The following MYT1 variants were observed in gnomAD, a reference collection of about 807,000 sequenced individuals.
MYT1 encodes myelin transcription factor 1, also known as myelin transcription factor I.
A neutral mutation model predicts 123.0 loss-of-function variants in MYT1; 23 were observed. That is an observed-to-expected ratio of 0.19 (90% CI 0.13 to 0.26). MYT1 has a LOEUF of 0.26. Among genes scored for constraint, MYT1 ranks in the 10% least tolerant of loss-of-function variants. The pLI, the probability that MYT1 is intolerant of heterozygous loss-of-function variation, is 1.00. For synonymous variants in MYT1, 518 were observed against 575.3 expected, an observed-to-expected ratio of 0.90 and a Z score of 1.43; for missense variants, 1,125 against 1,472.5, an observed-to-expected ratio of 0.76 and a Z score of 3.86.
At position 64,213,464 on chromosome 20, in the gene MYT1, CACACAG is replaced by C; in HGVS notation, c.1518-65_1518-60del. The C allele has an allele frequency of 7.9e-7, 1 of 1,262,288 alleles. No homozygotes were observed. The highest frequency in any genetic ancestry group is 1.1e-6 in the Non-Finnish European group (1 of 871,026). The allele number at this position is 1,262,288 out of a possible 1,614,324, so 78.2% of individuals were successfully genotyped here. On this transcript the variant is annotated intron_variant, in intron 9 of 22. Coordinates refer to ENST00000328439, the MANE Select transcript of MYT1 (RefSeq NM_004535.3). The surrounding 1 kb of genome is among the most constrained non-coding windows in gnomAD (Gnocchi z 5.6). Reference sequence around the variant, plus strand: ...ATGACCTTGCCGTGAGACACCCACACACACAGACACCCAGGACAGGACAGGCATGGA... The same window carrying C: ...ATGACCTTGCCGTGAGACACCCACACACACCCAGGACAGGACAGGCATGGA...
intron 21 of MYT1, among the ~76,000 whole-genome samples, chr20:64,238,846 A>G (rs1984630607): frequency 6.6e-6 from 1 of 152,192 alleles, no homozygotes; most frequent in Non-Finnish European, 1.5e-5. Context: ...CTTTGGAAGG[A>G]CTCAGAAACC....
intron 16 of MYT1, among the ~76,000 whole-genome samples, chr20:64,225,447 G>A (rs995069284): frequency 1.3e-5 from 2 of 152,204 alleles, no homozygotes; most frequent in African/African-American, 4.8e-5. Context: ...TGTGGTCAAG[G>A]GCTGTGAGGA....
chr20:64,240,414 G>A lies in MYT1; in HGVS notation c.3332G>A (p.Ser1111Asn). 1.2e-6 allele frequency: 2 copies of A among 1,613,806 alleles called. No homozygotes were observed. Among genetic ancestry groups the A allele is most frequent in the South Asian group, 1.1e-5 (1 of 91,076 alleles). Reference sequence around the variant, plus strand: ...CCGGAGAACAAGGACCTCCTGGAGAGCATCAAGCAGGCTGTGAGGGGCATC... The same window carrying A: ...CCGGAGAACAAGGACCTCCTGGAGAACATCAAGCAGGCTGTGAGGGGCATC... ...QDPENKDLLE[S>N]IKQAVRGIQV The change falls in exon 23 of 23, where the codon AGC (serine) becomes AAC (asparagine). Residue 1111 changes from serine (S) to asparagine (N), a missense_variant. This residue lies in a region of MYT1 where 243 missense variants were observed against 323.1 expected (regional missense o/e 0.75). Transcript: ENST00000328439.
At chr20:64,235,704 T>C in intron 19 of MYT1, among the ~76,000 whole-genome samples, 1 of 136,410 alleles carries the variant, frequency 7.3e-6, no homozygotes, top group South Asian at 2.5e-4. Context: ...TGGGTGACCC[T>C]TGGCTGGCCG....
At chr20:64,237,445 C>G in intron 21 of MYT1, 55 bp downstream of exon 21, 2 of 1,383,840 alleles carry the variant, frequency 1.4e-6, no homozygotes, top group Non-Finnish European at 2.0e-6. Flanking sequence ...CCCAAACATT[C>G]GTCTTGGGGA....
chr20:64,205,546 C>T lies in MYT1; in HGVS notation c.150-7C>T. ...GGTCCTCTCCACTGCCTACTCCTCC[C>T]TCCCAGTTTACAGAGCTGCCCCCTG... On this transcript the variant is annotated splice_polypyrimidine_tract_variant and splice_region_variant and intron_variant, in intron 5 of 22. Coordinates refer to ENST00000328439, the MANE Select transcript of MYT1 (RefSeq NM_004535.3). The T allele has an allele frequency of 1.9e-6, 3 of 1,613,734 alleles. No homozygotes were observed. The highest frequency in any genetic ancestry group is 2.5e-6 in the Non-Finnish European group (3 of 1,179,858).
intron 22 of MYT1, 65 bp from the exon 23 acceptor site, chr20:64,240,255 A>G: frequency 6.3e-7 from 1 of 1,581,522 alleles, no homozygotes; most frequent in Non-Finnish European, 8.6e-7. Context: ...ATGCTCCCAC[A>G]TCAGGCTCTG....
chr20:64,176,483 TCTC>T (rs1029407589), intron 1 of MYT1, among the ~76,000 whole-genome samples: 3 of 152,218 alleles, frequency 2.0e-5, no homozygotes, highest in African/African-American at 4.8e-5. Flanking sequence ...CTCCCTGGCT[TCTC>T]CTCTTCTAGC....
At chr20:64,198,337 A>T (rs1184190044) in intron 2 of MYT1, among the ~76,000 whole-genome samples, 2 of 149,936 alleles carry the variant, frequency 1.3e-5, no homozygotes, top group Non-Finnish European at 3.0e-5. Flanking sequence ...GTGGGAAGAA[A>T]GGGCCCATGG....
rs960416218 is a variant in MYT1, at chr20:64,202,036, G to A, written c.86+2114G>A. ...AACCCCTCGCGTGTCGGGAACCCCC[G>A]CGTGTCGGGAACCTCTGCGTGTCGG... On this transcript the variant is annotated intron_variant, in intron 4 of 22. Transcript: ENST00000328439. This position sits in a 1 kb window ranked among gnomAD's most constrained non-coding sequence, Gnocchi z 5.0. Among the ~76,000 whole-genome samples, 1 of 149,252 alleles carries A rather than the reference G, an allele frequency of 6.7e-6. No individual in the cohort carries two copies. Among genetic ancestry groups the A allele is most frequent in the African/African-American group, 2.5e-5 (1 of 40,762 alleles).
intron 2 of MYT1, among the ~76,000 whole-genome samples, chr20:64,195,675 C>T (rs541357000): frequency 1.5e-4 from 23 of 152,180 alleles, no homozygotes; most frequent in African/African-American, 5.1e-4. Flanking sequence ...GGATTACAGA[C>T]GTGAGCCACC....
rs558515450 is a variant in MYT1 at position 64,213,491 on chromosome 20, A to G, written c.1518-43A>G. On this transcript the variant is annotated intron_variant, in intron 9 of 22. Transcript: ENST00000328439. The surrounding 1 kb of genome is among the most constrained non-coding windows in gnomAD (Gnocchi z 5.6). ...CACAGACACCCAGGACAGGACAGGCATGGAGGGGAAGGCTCAGAAACCCCT... is the reference window on the plus strand; with the variant it reads ...CACAGACACCCAGGACAGGACAGGCGTGGAGGGGAAGGCTCAGAAACCCCT... 1,174 of 1,510,046 alleles carry G rather than the reference A, an allele frequency of 7.8e-4. 21 individuals carry two copies. In the South Asian group the frequency reaches 0.013, roughly 16 times the overall value. 93.5% of individuals were successfully genotyped at this position (1,510,046 alleles called of 1,614,324 possible). A position where few individuals can be genotyped will look rare whatever the true frequency, so the allele number is the denominator to read the frequency against.
At position 64,207,828 on chromosome 20, in the gene MYT1, A is replaced by G; in HGVS notation, c.632A>G (p.Glu211Gly). ...GAGGGAGCTGCCAGCGAGGAGGGTG[A>G]AAAGGGCCTCTTCATCCAGCCAGAG... ...AAEGAASEEG[E>G]KGLFIQPEDA... Residue 211 changes from glutamate (E) to glycine (G), a missense_variant, in exon 7 of 23, where the codon GAA (glutamate) becomes GGA (glycine). Transcript: ENST00000328439. 6.2e-7 allele frequency: 1 copy of G among 1,613,634 alleles called. No homozygotes were observed. Among genetic ancestry groups the G allele is most frequent in the Non-Finnish European group, 8.5e-7 (1 of 1,179,878 alleles).
chr20:64,198,167 G>A (rs1185160705), intron 2 of MYT1, among the ~76,000 whole-genome samples: 1 of 151,554 alleles, frequency 6.6e-6, no homozygotes, highest in Non-Finnish European at 1.5e-5. Context: ...GGCGCCTGTA[G>A]TCCCAGCTAC....
In MYT1 at chr20:64,197,722, A is replaced by G. The variant is rs543299796; in HGVS notation, c.1-1140A>G. ...GATTTGTCATGAGTGACACAGGACA[A>G]GGATGCTGTGTGTGACCCTCACCAC... On this transcript the variant is annotated intron_variant, in intron 2 of 22. Transcript: ENST00000328439. Among the ~76,000 whole-genome samples, 229 of 152,362 alleles carry G rather than the reference A, an allele frequency of 1.5e-3. 2 individuals carry two copies. In the Middle Eastern group the frequency reaches 0.017, roughly 11 times the overall value.
Position 64,208,543 on chromosome 20 carries a change from G to A in MYT1, c.1291+56G>A. On this transcript the variant is annotated intron_variant, in intron 7 of 22. Transcript: ENST00000328439. This position sits in a 1 kb window ranked among gnomAD's most constrained non-coding sequence, Gnocchi z 5.4. ...ACTCATCCTTTCACCCCTGCCCCAGGTGTGCAGATGCAGGCTGAGAGCCCT... is the reference window on the plus strand; with the variant it reads ...ACTCATCCTTTCACCCCTGCCCCAGATGTGCAGATGCAGGCTGAGAGCCCT... 6.6e-7 allele frequency: 1 copy of A among 1,522,566 alleles called. No individual in the cohort carries two copies. The highest frequency in any genetic ancestry group is 2.1e-5 in the Admixed American group (1 of 48,648). 94.3% of individuals were successfully genotyped at this position (1,522,566 alleles called of 1,614,324 possible).
chr20:64,233,007 T>C (rs1984368127), intron 19 of MYT1, among the ~76,000 whole-genome samples: 1 of 151,610 alleles, frequency 6.6e-6, no homozygotes, highest in East Asian at 2.0e-4. Context: ...GTCTGTGTCC[T>C]ATGGTGACAA....
intron 4 of MYT1, among the ~76,000 whole-genome samples, chr20:64,201,016 G>T (rs567287426): frequency 6.6e-6 from 1 of 152,322 alleles, no homozygotes; most frequent in South Asian, 2.1e-4. Context: ...TGCTCAGAAG[G>T]ACCCCGAGTA....
chr20:64,220,754 G>A (rs1345188325), intron 13 of MYT1, among the ~76,000 whole-genome samples: 1 of 152,022 alleles, frequency 6.6e-6, no homozygotes, highest in Non-Finnish European at 1.5e-5. Context: ...GGAAGGAGCA[G>A]GGCCAGACCC....
Sources: gnomAD v4.1 joint callset for allele counts (sites outside exome capture counted in the v4.1 genomes callset) on GRCh38, gnomAD v4.1.1 for gene constraint, gnomAD v4.1.1 regional missense constraint, Gnocchi (gnomAD v3.1) non-coding constraint, MANE v1.5 for transcripts, NCBI Gene and HGNC (gene_info 2026-07-23, HGNC 2026-07-21) for gene names.